FCRL6: variants seen among roughly 807,000 people sequenced by gnomAD.
FCRL6 encodes Fc receptor-like protein 6.
In FCRL6, 50 loss-of-function variants were observed where a neutral mutation model predicts 49.1. The observed-to-expected ratio is 1.02, with a 90% CI of 0.81 to 1.29. The LOEUF is 1.29. Among genes scored for constraint, FCRL6 ranks in the 50% most tolerant of loss-of-function variants. The pLI is 0.00. For synonymous variants in FCRL6, 213 were observed against 199.6 expected (o/e 1.07, Z -0.57); for missense variants, 571 against 518.5 (o/e 1.10, Z -0.98).
rs1222693159 is a variant in FCRL6 at position 159,809,433 on chromosome 1, C to A, written c.636C>A (p.His212Gln). Residue 212 changes from histidine (H) to glutamine (Q), a missense_variant, in exon 5 of 10, where the codon CAC becomes CAA. By Grantham distance (24) the His-to-Gln change is conservative (BLOSUM62 0). Coordinates refer to ENST00000368106, the MANE Select transcript of FCRL6 (RefSeq NM_001004310.3). ...TATCCCGTCCTGTGCTCACTCTGCA[C>A]CACGGGCCTGCTGACCCTGCTGTGG... ...APVSRPVLTLHHGPADPAVGD... is the reference protein window; with the variant it reads ...APVSRPVLTLQHGPADPAVGD... 6.2e-7 allele frequency: 1 copy of A among 1,612,442 alleles called. No individual in the cohort carries two copies. The highest frequency in any genetic ancestry group is 1.7e-5 in the Admixed American group (1 of 59,974).
intron 6 of FCRL6, 115 bp downstream of exon 6, chr1:159,810,331 T>A: frequency 1.5e-6 from 2 of 1,314,284 alleles, no homozygotes; most frequent in Admixed American, 2.5e-5. Flanking sequence ...GGGTGTGGAG[T>A]GGCAGGGGGG....
intron 1 of FCRL6, among the ~76,000 whole-genome samples, chr1:159,803,917 G>A (rs1662501827): frequency 6.6e-6 from 1 of 151,052 alleles, no homozygotes; most frequent in South Asian, 2.1e-4. Context: ...TCTCTCAAGA[G>A]CAGGGTGTGG....
chr1:159,802,127 C>T (rs575913177), upstream of FCRL6, among the ~76,000 whole-genome samples: 2 of 152,126 alleles, frequency 1.3e-5, no homozygotes, highest in East Asian at 3.8e-4. Flanking sequence ...ATCCTAGTTC[C>T]CTGGCATAGG....
At chr1:159,809,725 T>C in intron 5 of FCRL6, 42 bp downstream of exon 5, 1 of 1,576,926 alleles carries the variant, frequency 6.3e-7, no homozygotes, top group Non-Finnish European at 8.7e-7. Flanking sequence ...CCCAGCAAGC[T>C]GGCAGGGGTC....
intron 6 of FCRL6, among the ~76,000 whole-genome samples, chr1:159,812,937 A>G (rs1456395924): frequency 2.6e-5 from 4 of 152,214 alleles, no homozygotes; most frequent in Non-Finnish European, 4.4e-5. Context: ...TGTCTCCACT[A>G]CTTACTGTGA....
At chr1:159,802,855 C>G (rs750186493) in intron 1 of FCRL6, among the ~76,000 whole-genome samples, 1 of 152,098 alleles carries the variant, frequency 6.6e-6, no homozygotes, top group Non-Finnish European at 1.5e-5. Flanking sequence ...GGGAAGGAGT[C>G]AGGGAAATGA....
intron 5 of FCRL6, 148 bp from the exon 6 acceptor site, chr1:159,809,946 G>C: frequency 9.8e-7 from 1 of 1,022,992 alleles, no homozygotes; most frequent in Non-Finnish European, 1.4e-6. Flanking sequence ...GCCATCCCCT[G>C]AGCCATCCTT....
intron 5 of FCRL6, 81 bp downstream of exon 5, chr1:159,809,764 A>G: frequency 1.6e-6 from 2 of 1,258,392 alleles, no homozygotes; most frequent in Non-Finnish European, 2.3e-6. Flanking sequence ...ACCTCCCATC[A>G]CGACTGGCAC....
At chr1:159,803,847 A>T (rs6659704) in intron 1 of FCRL6, among the ~76,000 whole-genome samples, 9 of 151,944 alleles carry the variant, frequency 5.9e-5, no homozygotes, top group Non-Finnish European at 1.2e-4. Flanking sequence ...TAAAACACAG[A>T]CACTGGGGCT....
chr1:159,809,383 C>T lies in FCRL6; in HGVS notation c.605-19C>T. 2 of 1,570,738 alleles carry T rather than the reference C, an allele frequency of 1.3e-6. No homozygotes were observed. The highest frequency in any genetic ancestry group is 1.7e-6 in the Non-Finnish European group (2 of 1,156,186). The stretch of plus-strand genomic sequence containing the variant: ...TCCTGGGTGGTCAGGCTGAGCCTCC[C>T]ACCCCATGTGTGTCCCAGCTCCTGT... On this transcript the variant is annotated intron_variant, in intron 4 of 9. Coordinates refer to ENST00000368106, the MANE Select transcript of FCRL6 (RefSeq NM_001004310.3).
chr1:159,804,341 C>T (rs1662538750), intron 1 of FCRL6, among the ~76,000 whole-genome samples: 1 of 152,214 alleles, frequency 6.6e-6, no homozygotes, highest in Non-Finnish European at 1.5e-5. Context: ...AAGCTTAGCC[C>T]ACCAAGTATT....
chr1:159,808,823 A>T (rs1171043101), intron 3 of FCRL6, 138 bp from the exon 4 acceptor site: 7 of 818,406 alleles, frequency 8.6e-6, no homozygotes, highest in East Asian at 2.7e-5. Context: ...GGGTAAGAGG[A>T]CGGGTCCTAG....
intron 6 of FCRL6, 114 bp from the exon 7 acceptor site, chr1:159,813,375 A>G (rs1571112847): frequency 1.1e-6 from 1 of 891,374 alleles, no homozygotes; most frequent in Admixed American, 1.8e-5. Context: ...TCCTAACCAA[A>G]CCAGCCTCAA....
intron 8 of FCRL6, 152 bp from the exon 9 acceptor site, chr1:159,815,276 T>C: frequency 1.3e-6 from 1 of 742,040 alleles, no homozygotes; most frequent in Non-Finnish European, 2.2e-6. Context: ...AACCCAGGTC[T>C]CCCAATTCCA....
At chr1:159,803,253 T>C (rs1662460553) in intron 1 of FCRL6, among the ~76,000 whole-genome samples, 1 of 152,240 alleles carries the variant, frequency 6.6e-6, no homozygotes, top group African/African-American at 2.4e-5. Context: ...TCTCAGCCAG[T>C]GTCACCCCCC....
At position 159,809,480 on chromosome 1, in the gene FCRL6, G is replaced by C. The variant is rs375136608; in HGVS notation, c.683G>C (p.Cys228Ser). The change falls in exon 5 of 10, where the codon TGT (cysteine) becomes TCT (serine). Residue 228 changes from cysteine to serine, a missense_variant. By Grantham distance (112) the Cys-to-Ser change is moderately radical. Coordinates refer to ENST00000368106, the MANE Select transcript of FCRL6 (RefSeq NM_001004310.3). Reference protein sequence around the residue: ...PAVGDMVQLLCEAQRGSPPIL... With the variant: ...PAVGDMVQLLSEAQRGSPPIL... ...GTGGGGGACATGGTGCAGCTCCTCT[G>C]TGAGGCACAGAGGGGCTCCCCTCCG... The C allele has an allele frequency of 6.2e-7, 1 of 1,614,130 alleles. No individual in the cohort carries two copies. Among genetic ancestry groups the C allele is most frequent in the Non-Finnish European group, 8.5e-7 (1 of 1,180,014 alleles).
chr1:159,808,713 C>T, intron 3 of FCRL6: 2 of 608,060 alleles, frequency 3.3e-6, no homozygotes, highest in Non-Finnish European at 2.9e-6. Flanking sequence ...CACCCTTCCC[C>T]TCTATGGACT....
rs1662386969 is a variant in FCRL6 at position 159,802,368 on chromosome 1, G to T, written c.-57G>T. ...CCTGAGGCCTGGTTGCTCTCTGCCG[G>T]CTTCGCCCTGACCTGTTTCTGACCT... is the stretch of plus-strand genomic sequence containing the variant. On this transcript the variant is annotated 5_prime_UTR_variant, in exon 1 of 10. Coordinates refer to ENST00000368106, the MANE Select transcript of FCRL6 (RefSeq NM_001004310.3). The T allele has an allele frequency of 6.2e-7, 1 of 1,607,102 alleles. No individual in the cohort carries two copies. The highest frequency in any genetic ancestry group is 1.3e-5 in the African/African-American group (1 of 74,762).
chr1:159,801,310 A>C (rs1662320012), upstream of FCRL6, among the ~76,000 whole-genome samples: 1 of 152,190 alleles, frequency 6.6e-6, no homozygotes, highest in Admixed American at 6.5e-5. Flanking sequence ...CCCTGTGTTT[A>C]GTTTTGGTAG....
Sources: gnomAD v4.1 joint callset for allele counts (sites outside exome capture counted in the v4.1 genomes callset) on GRCh38, gnomAD v4.1.1 for gene constraint, MANE v1.5 for transcripts, NCBI Gene and HGNC (gene_info 2026-07-23, HGNC 2026-07-21) for gene names.